Variants in MTMR14 observed in about 807,000 individuals in gnomAD.
MTMR14 encodes the protein phosphatidylinositol-3,5-bisphosphate 3-phosphatase MTMR14.
Under a neutral mutation model 86.3 loss-of-function variants are expected in MTMR14, and 48 were observed. That is an observed-to-expected ratio of 0.56 (90% confidence interval 0.44 to 0.71). The LOEUF is 0.71. Ranked by LOEUF, MTMR14 falls within the 30% of genes least tolerant of loss-of-function variation. MTMR14 has a pLI of 0.00. For missense variants in MTMR14, 780 were observed against 834.6 expected (o/e 0.93, Z 0.81); for synonymous variants, 366 against 326.1 (o/e 1.12, Z -1.32).
At position 9,702,297 on chromosome 3, in the gene MTMR14, T is replaced by G; in HGVS notation, c.*324T>G. 2.3e-6 allele frequency: 1 copy of G among 432,548 alleles called. No individual in the cohort carries two copies. Among genetic ancestry groups the G allele is most frequent in the South Asian group, 2.2e-5 (1 of 45,290 alleles). 26.8% of individuals were successfully genotyped at this position (432,548 alleles called of 1,614,324 possible). On this transcript the variant is annotated 3_prime_UTR_variant, in exon 19 of 19. Coordinates refer to ENST00000296003, the MANE Select transcript of MTMR14 (RefSeq NM_001077525.3). Reference sequence around the variant, plus strand: ...CATGACTTCACAAAGACCCTACCTGTCAGTTCTTGTTTCTGGGGAGGAGGG... The same window carrying G: ...CATGACTTCACAAAGACCCTACCTGGCAGTTCTTGTTTCTGGGGAGGAGGG...
At chr3:9,655,434 T>C (rs2047539725) in intron 2 of MTMR14, among the ~76,000 whole-genome samples, 1 of 150,378 alleles carries the variant, frequency 6.6e-6, no homozygotes, top group Admixed American at 6.6e-5. Flanking sequence ...ATTTCCAGTC[T>C]ACATTCTGTG....
chr3:9,650,011 G>A (rs945720502), intron 1 of MTMR14, among the ~76,000 whole-genome samples: 6 of 152,056 alleles, frequency 3.9e-5, no homozygotes, highest in African/African-American at 1.2e-4. Flanking sequence ...AAGCTGAGGG[G>A]CCAGGTTCAA....
intron 2 of MTMR14, among the ~76,000 whole-genome samples, chr3:9,655,914 G>A (rs2047573869): frequency 6.6e-6 from 1 of 151,972 alleles, no homozygotes; most frequent in Non-Finnish European, 1.5e-5. Context: ...CTATAAGAGT[G>A]CCCATCTTGG....
chr3:9,692,061 C>G (rs2076154210), intron 17 of MTMR14, among the ~76,000 whole-genome samples: 1 of 152,164 alleles, frequency 6.6e-6, no homozygotes, highest in African/African-American at 2.4e-5. Context: ...AATTTAGTCT[C>G]TTATCTTAAA....
In MTMR14 at chr3:9,702,080, A is replaced by T. The variant is rs2076478211; in HGVS notation, c.*107A>T. ...GTACTTCCAGGTCAGGGGAAATTTC[A>T]GTCCCCCATCTCCATCATGAACATG... On this transcript the variant is annotated 3_prime_UTR_variant, in exon 19 of 19. Transcript: ENST00000296003. The T allele has an allele frequency of 7.1e-7, 1 of 1,413,920 alleles. No homozygotes were observed. Among genetic ancestry groups the T allele is most frequent in the African/African-American group, 1.4e-5 (1 of 71,046 alleles). The allele number at this position is 1,413,920 out of a possible 1,614,324, so 87.6% of individuals were successfully genotyped here.
intron 2 of MTMR14, 87 bp downstream of exon 2, chr3:9,653,856 C>T: frequency 6.5e-7 from 1 of 1,548,070 alleles, no homozygotes; most frequent in Non-Finnish European, 8.9e-7. Flanking sequence ...CTGGGCAGGG[C>T]AGAATCACTT....
chr3:9,652,014 T>C (rs2047328522), intron 1 of MTMR14, among the ~76,000 whole-genome samples: 1 of 152,038 alleles, frequency 6.6e-6, no homozygotes, highest in South Asian at 2.1e-4. Context: ...ATATTTTTAA[T>C]AGAGATGGGG....
At chr3:9,650,236 A>G in intron 1 of MTMR14, 1 of 445,238 alleles carries the variant, frequency 2.2e-6, no homozygotes, top group Non-Finnish European at 4.6e-6. Context: ...CTTCCCCTAT[A>G]GAGCAGGAAG....
intron 17 of MTMR14, among the ~76,000 whole-genome samples, chr3:9,695,064 G>A (rs2076244820): frequency 1.3e-5 from 2 of 152,184 alleles, no homozygotes; most frequent in African/African-American, 4.8e-5. Context: ...AGAGGGGGTG[G>A]AGCTTGGATC....
chr3:9,701,672 A>G lies in MTMR14; in HGVS notation c.1770-118A>G. ...AGGATAGCATGGCCGTAGGACAGAC[A>G]CTGGCCTTGTACAGTCAGAAGAAGC... On this transcript the variant is annotated intron_variant, in intron 18 of 18. Coordinates refer to ENST00000296003, the MANE Select transcript of MTMR14 (RefSeq NM_001077525.3). This position sits in a 1 kb window ranked among gnomAD's most constrained non-coding sequence, Gnocchi z 4.2. The G allele has an allele frequency of 8.3e-7, 1 of 1,200,560 alleles. No homozygotes were observed. The highest frequency in any genetic ancestry group is 1.2e-6 in the Non-Finnish European group (1 of 824,672). 74.4% of individuals were successfully genotyped at this position (1,200,560 alleles called of 1,614,324 possible).
At chr3:9,698,588 T>TG (rs1380423675) in intron 18 of MTMR14, among the ~76,000 whole-genome samples, 2 of 152,360 alleles carry the variant, frequency 1.3e-5, no homozygotes, top group East Asian at 3.9e-4. Flanking sequence ...GAATGGCACA[T>TG]GCTGGGGCCT....
intron 17 of MTMR14, among the ~76,000 whole-genome samples, chr3:9,691,159 T>A (rs62245626): frequency 0.045 from 6,904 of 152,338 alleles, 197 homozygotes; most frequent in Admixed American, 0.074. Context: ...CGTTCCAGAC[T>A]GCACTGCCCA....
intron 5 of MTMR14, 108 bp downstream of exon 5, chr3:9,669,600 G>A (rs2048462222): frequency 3.4e-6 from 4 of 1,182,760 alleles, no homozygotes; most frequent in East Asian, 2.6e-5. Context: ...GTTCAGGTGA[G>A]TGGATTGGCT....
intron 16 of MTMR14, among the ~76,000 whole-genome samples, chr3:9,689,455 G>A (rs927849883): frequency 1.3e-5 from 2 of 152,184 alleles, no homozygotes; most frequent in East Asian, 3.9e-4. Flanking sequence ...GGGGAATTGG[G>A]AACTTGAGGG....
chr3:9,675,923 A>G (rs2075554944), intron 7 of MTMR14, among the ~76,000 whole-genome samples: 1 of 152,174 alleles, frequency 6.6e-6, no homozygotes, highest in Admixed American at 6.5e-5. Context: ...GAGGCTCCCA[A>G]GAATAGGCTA....
Position 9,683,240 on chromosome 3 carries a change from T to C in MTMR14, c.960T>C (p.Ser320=). The change falls in exon 10 of 19, where the codon AGT becomes AGC. Residue 320 remains serine, a synonymous_variant. Coordinates refer to ENST00000296003, the MANE Select transcript of MTMR14 (RefSeq NM_001077525.3). ...YLKLLLSLVN[S]DDDSGLLVHC... is the part of the protein sequence containing the mutation. ...AGCTGCTGCTTTCCTTAGTTAACAG[T>C]GATGGTGAGTCTGTCTCCTCCAGAG... The C allele has an allele frequency of 6.2e-7, 1 of 1,614,164 alleles. No individual in the cohort carries two copies. The highest frequency in any genetic ancestry group is 8.5e-7 in the Non-Finnish European group (1 of 1,179,996).
chr3:9,654,823 G>C (rs1357873840), intron 2 of MTMR14, among the ~76,000 whole-genome samples: 2 of 152,222 alleles, frequency 1.3e-5, no homozygotes, highest in Non-Finnish European at 2.9e-5. Context: ...CAGCAGAACA[G>C]GGTGTCCAGG....
chr3:9,651,578 A>G (rs2047295849), intron 1 of MTMR14, among the ~76,000 whole-genome samples: 3 of 152,208 alleles, frequency 2.0e-5, no homozygotes, highest in Admixed American at 1.3e-4. Context: ...ATATATTTAT[A>G]TGTATTTATA....
At chr3:9,664,358 G>C (rs928995063) in intron 3 of MTMR14, among the ~76,000 whole-genome samples, 1 of 151,672 alleles carries the variant, frequency 6.6e-6, no homozygotes, top group African/African-American at 2.4e-5. Flanking sequence ...GGTAGGCACT[G>C]AGGAACTAGT....
Sources: gnomAD v4.1 joint callset for allele counts (sites outside exome capture counted in the v4.1 genomes callset) on GRCh38, gnomAD v4.1.1 for gene constraint, Gnocchi (gnomAD v3.1) non-coding constraint, MANE v1.5 for transcripts, NCBI Gene and HGNC (gene_info 2026-07-23, HGNC 2026-07-21) for gene names.